Variants in MYT1L observed in about 807,000 individuals in gnomAD.
MYT1L encodes the protein myelin transcription factor 1-like protein.
In MYT1L, 12 loss-of-function variants were observed where a neutral mutation model predicts 126.7. The observed-to-expected ratio is 0.09, with a 90% CI of 0.06 to 0.15. MYT1L has a LOEUF of 0.15. Ranked by LOEUF, MYT1L falls within the 10% of genes least tolerant of loss-of-function variation. MYT1L has a pLI of 1.00. For synonymous variants in MYT1L, 541 were observed against 604.2 expected (o/e 0.90, Z 1.53); for missense variants, 979 against 1,585.2 (o/e 0.62, Z 6.49).
intron 3 of MYT1L, among the ~76,000 whole-genome samples, chr2:2,163,492 G>A (rs571843197): frequency 1.4e-4 from 21 of 151,940 alleles, no homozygotes; most frequent in South Asian, 4.2e-4. Flanking sequence ...TTGGGAGGCC[G>A]AGGCGGGTGG....
intron 3 of MYT1L, among the ~76,000 whole-genome samples, chr2:2,163,800 T>C (rs1372545084): frequency 6.6e-6 from 1 of 151,918 alleles, no homozygotes; most frequent in Non-Finnish European, 1.5e-5. Context: ...CCTCCTGTGC[T>C]GTCATAAGAT....
At chr2:2,207,812 G>T (rs898280244) in intron 2 of MYT1L, among the ~76,000 whole-genome samples, 23 of 152,246 alleles carry the variant, frequency 1.5e-4, no homozygotes, top group African/African-American at 5.5e-4. Context: ...CTCATGTATG[G>T]TTGGGTGATT....
chr2:2,271,391 G>A (rs1238737165), intron 2 of MYT1L, among the ~76,000 whole-genome samples: 2 of 152,212 alleles, frequency 1.3e-5, no homozygotes, highest in Admixed American at 6.5e-5. Flanking sequence ...CAGCCATGAT[G>A]TGATATGATA....
At chr2:1,858,053 G>A (rs913287871) in intron 18 of MYT1L, among the ~76,000 whole-genome samples, 3 of 152,104 alleles carry the variant, frequency 2.0e-5, no homozygotes, top group African/African-American at 4.8e-5. Context: ...TGTAGAGACA[G>A]GGGTTTCGCC....
At chr2:2,105,068 A>G (rs1008899343) in intron 3 of MYT1L, among the ~76,000 whole-genome samples, 4 of 152,240 alleles carry the variant, frequency 2.6e-5, no homozygotes, top group African/African-American at 9.6e-5. Flanking sequence ...GTTCTGTAAT[A>G]TCATCTACTT....
chr2:2,141,358 C>T (rs17038904), intron 3 of MYT1L, among the ~76,000 whole-genome samples: 2,840 of 152,190 alleles, frequency 0.019, 79 homozygotes, highest in African/African-American at 0.064. Flanking sequence ...CTTAGGAGTT[C>T]CCGTGGCTGT....
intron 3 of MYT1L, among the ~76,000 whole-genome samples, chr2:2,058,286 T>C (rs922552174): frequency 5.3e-5 from 8 of 152,266 alleles, no homozygotes; most frequent in African/African-American, 1.7e-4. Context: ...TTTTAAATCG[T>C]TGAATTTGAG....
chr2:2,272,028 A>T (rs912724350), intron 2 of MYT1L, among the ~76,000 whole-genome samples: 1 of 152,198 alleles, frequency 6.6e-6, no homozygotes, highest in East Asian at 1.9e-4. Context: ...TGAACTCTGC[A>T]TCCTGGCGAG....
intron 1 of MYT1L, among the ~76,000 whole-genome samples, chr2:2,319,606 T>A (rs1490912664): frequency 6.6e-6 from 1 of 152,162 alleles, no homozygotes; most frequent in Admixed American, 6.5e-5. Flanking sequence ...AATGGTCACC[T>A]GGATTCCTGA....
At chr2:2,254,048 A>G (rs1346055965) in intron 2 of MYT1L, among the ~76,000 whole-genome samples, 1 of 152,198 alleles carries the variant, frequency 6.6e-6, no homozygotes, top group Non-Finnish European at 1.5e-5. Context: ...GCTCCCTGTG[A>G]TAAGTGTGAA....
At chr2:2,240,154 C>A (rs2094410047) in intron 2 of MYT1L, among the ~76,000 whole-genome samples, 1 of 152,046 alleles carries the variant, frequency 6.6e-6, no homozygotes, top group African/African-American at 2.4e-5. Flanking sequence ...AAAAAATCAG[C>A]CAGGCACGTG....
chr2:1,944,487 C>T (rs981268378), intron 8 of MYT1L, among the ~76,000 whole-genome samples: 3 of 151,698 alleles, frequency 2.0e-5, no homozygotes, highest in Admixed American at 6.6e-5. Context: ...AGATGTGTGG[C>T]CTCTCTCACT....
intron 3 of MYT1L, among the ~76,000 whole-genome samples, chr2:2,115,358 G>T (rs570577132): frequency 3.3e-5 from 5 of 152,116 alleles, no homozygotes; most frequent in African/African-American, 1.2e-4. Flanking sequence ...AAATAGATTC[G>T]CTTTTGAATA....
rs145080483 is a variant in MYT1L, at chr2:2,261,760, G to A, written c.-421+22644C>T. On this transcript the variant is annotated intron_variant, in intron 2 of 24. Coordinates refer to ENST00000647738, the MANE Select transcript of MYT1L (RefSeq NM_001303052.2). ...GTGGCCTAATGATGATGTGCTTCTC[G>A]TAAATGGAGACTGAAAGTAAAGCCT... 6.6e-3 allele frequency among the ~76,000 whole-genome samples: 1,011 copies of A among 152,280 alleles called. 13 individuals carry two copies. The highest frequency in any genetic ancestry group is 0.023 in the African/African-American group (963 of 41,546).
intron 2 of MYT1L, among the ~76,000 whole-genome samples, chr2:2,193,303 G>A (rs2092673934): frequency 6.6e-6 from 1 of 152,140 alleles, no homozygotes; most frequent in South Asian, 2.1e-4. Flanking sequence ...TCAGTGTCTG[G>A]ATTAGAAAAT....
At chr2:2,291,592 G>A (rs561208187) in intron 1 of MYT1L, among the ~76,000 whole-genome samples, 1 of 152,346 alleles carries the variant, frequency 6.6e-6, no homozygotes, top group East Asian at 1.9e-4. Flanking sequence ...ACAAACAAGA[G>A]GAAGCCGCTC....
chr2:2,092,296 T>C (rs943875365), intron 3 of MYT1L, among the ~76,000 whole-genome samples: 1 of 98,494 alleles, frequency 1.0e-5, no homozygotes, highest in Non-Finnish European at 1.9e-5. Flanking sequence ...AATAGGGAGG[T>C]CAGTTTAGAA....
At chr2:2,152,613 G>C (rs564103783) in intron 3 of MYT1L, among the ~76,000 whole-genome samples, 179 of 152,278 alleles carry the variant, frequency 1.2e-3, no homozygotes, top group African/African-American at 4.0e-3. Flanking sequence ...AACAGGTGCA[G>C]GGGCCTGGCA....
chr2:2,066,992 T>C (rs867169063), intron 3 of MYT1L, among the ~76,000 whole-genome samples: 8 of 152,336 alleles, frequency 5.3e-5, no homozygotes, highest in African/African-American at 1.7e-4. Flanking sequence ...CACATCGTGA[T>C]TAGGAAAACT....
Sources: gnomAD v4.1 joint callset for allele counts (sites outside exome capture counted in the v4.1 genomes callset) on GRCh38, gnomAD v4.1.1 for gene constraint, MANE v1.5 for transcripts, NCBI Gene and HGNC (gene_info 2026-07-23, HGNC 2026-07-21) for gene names.